Variants in LRRC7 observed in about 807,000 individuals in gnomAD.
The protein encoded by LRRC7 is leucine-rich repeat-containing protein 7.
Under a neutral mutation model 175.7 loss-of-function variants are expected in LRRC7, and 23 were observed. The ratio of observed to expected loss-of-function variants is 0.13; its 90% CI spans 0.09 to 0.19. LRRC7 has a LOEUF of 0.19. LRRC7 is among the 10% of genes least tolerant of loss of function. The probability of loss-of-function intolerance (pLI) is 1.00; values close to 1 mark genes in which losing one functional copy is unlikely to be tolerated. For synonymous variants in LRRC7, 685 were observed against 680.9 expected, an observed-to-expected ratio of 1.01 and a Z score of -0.09; for missense variants, 1,354 against 1,904.7, an observed-to-expected ratio of 0.71 and a Z score of 5.38.
rs1679844268 is a variant in LRRC7, at chr1:69,825,842, T to A, written c.500+16T>A. 6.7e-7 allele frequency: 1 copy of A among 1,483,956 alleles called. No individual in the cohort carries two copies. Among genetic ancestry groups the A allele is most frequent in the Non-Finnish European group, 9.3e-7 (1 of 1,077,484 alleles). 91.9% of individuals were successfully genotyped at this position (1,483,956 alleles called of 1,614,324 possible). On this transcript the variant is annotated intron_variant, in intron 5 of 26. Coordinates refer to ENST00000651989, the MANE Select transcript of LRRC7 (RefSeq NM_001370785.2). ...CCATTTCTAAGTGAGTATGAGTGAT[T>A]AAATTTTATTTGTATTTATATTTCC...
chr1:69,751,863 T>C (rs1669881557), intron 2 of LRRC7, among the ~76,000 whole-genome samples: 1 of 152,172 alleles, frequency 6.6e-6, no homozygotes, highest in South Asian at 2.1e-4. Context: ...ATGCTTTTCT[T>C]CTTGATTTCA....
chr1:70,072,970 T>A (rs1006399075), intron 23 of LRRC7, among the ~76,000 whole-genome samples: 2 of 152,174 alleles, frequency 1.3e-5, no homozygotes, highest in Non-Finnish European at 2.9e-5. Context: ...GGTGGCAGTA[T>A]AATATAGTCT....
intron 5 of LRRC7, among the ~76,000 whole-genome samples, chr1:69,828,321 A>G (rs555501708): frequency 6.6e-6 from 1 of 152,240 alleles, no homozygotes; most frequent in Non-Finnish European, 1.5e-5. Flanking sequence ...TATGGTATGT[A>G]TATGTTTAAC....
At chr1:69,857,609 G>C (rs1213609066) in intron 7 of LRRC7, among the ~76,000 whole-genome samples, 1 of 152,144 alleles carries the variant, frequency 6.6e-6, no homozygotes, top group Admixed American at 6.6e-5. Flanking sequence ...CGAAATAAAA[G>C]AGGACACAAA....
In LRRC7 at chr1:69,655,992, TAAG is replaced by T. The variant is rs36015106; in HGVS notation, c.3-22388_3-22386del. 7.3e-3 allele frequency among the ~76,000 whole-genome samples: 1,114 copies of T among 152,162 alleles called. 13 individuals are homozygous for T. The highest frequency in any genetic ancestry group is 0.026 in the African/African-American group (1,063 of 41,558). ...TTTCATATTTACATTGTTTTCCAGA[TAAG>T]GAGACATTTGAACTGCCTACATTCT... On this transcript the variant is annotated intron_variant, in intron 1 of 26. Coordinates refer to ENST00000651989, the MANE Select transcript of LRRC7 (RefSeq NM_001370785.2).
At chr1:69,861,882 C>T (rs1269390121) in intron 7 of LRRC7, among the ~76,000 whole-genome samples, 2 of 152,164 alleles carry the variant, frequency 1.3e-5, no homozygotes, top group Admixed American at 1.3e-4. Context: ...TCAGGCCCTA[C>T]CCACACTTCA....
chr1:69,804,221 G>T (rs1214954709), intron 4 of LRRC7, among the ~76,000 whole-genome samples: 2 of 151,166 alleles, frequency 1.3e-5, no homozygotes, highest in African/African-American at 2.4e-5. Context: ...CAAGTATATT[G>T]TTAATTTTTC....
chr1:69,701,075 A>AT (rs1663285732), intron 2 of LRRC7, among the ~76,000 whole-genome samples: 1 of 152,160 alleles, frequency 6.6e-6, no homozygotes, highest in Non-Finnish European at 1.5e-5. Context: ...GGTTCAAGAT[A>AT]TTTTTTAAAT....
intron 4 of LRRC7, among the ~76,000 whole-genome samples, chr1:69,807,083 T>C (rs970950697): frequency 3.3e-5 from 5 of 152,078 alleles, no homozygotes; most frequent in African/African-American, 1.2e-4. Context: ...TCTTTGTTGG[T>C]TTAAAGTATG....
chr1:70,003,588 T>A (rs1557977531), intron 11 of LRRC7, among the ~76,000 whole-genome samples: 2 of 152,148 alleles, frequency 1.3e-5, no homozygotes, highest in Admixed American at 6.5e-5. Flanking sequence ...AAAGAAATGA[T>A]CAAATGGAAT....
Position 70,058,575 on chromosome 1 carries a change from T to G in LRRC7, c.4230+5430T>G, listed in dbSNP as rs547655039. Among the ~76,000 whole-genome samples, 33 of 152,352 alleles carry G rather than the reference T, an allele frequency of 2.2e-4. No homozygotes were observed. In the South Asian group the frequency reaches 6.6e-3, roughly 31 times the overall value. On this transcript the variant is annotated intron_variant, in intron 23 of 26. Coordinates refer to ENST00000651989, the MANE Select transcript of LRRC7 (RefSeq NM_001370785.2). Reference sequence around the variant, plus strand: ...CCACAGTCACTATAGTCAGAATATTTGGTTTCATGTATTAAATCTTTACAT... The same window carrying G: ...CCACAGTCACTATAGTCAGAATATTGGGTTTCATGTATTAAATCTTTACAT...
intron 11 of LRRC7, among the ~76,000 whole-genome samples, chr1:70,000,074 T>TAGGG (rs1211029062): frequency 6.6e-6 from 1 of 152,140 alleles, no homozygotes; most frequent in Non-Finnish European, 1.5e-5. Context: ...CACAAATGTC[T>TAGGG]AGGGATCTTT....
intron 26 of LRRC7, among the ~76,000 whole-genome samples, chr1:70,114,184 A>T (rs1665702176): frequency 1.3e-5 from 2 of 152,212 alleles, no homozygotes; most frequent in African/African-American, 4.8e-5. Flanking sequence ...AGTAAGTTCC[A>T]CATTTCTATA....
intron 1 of LRRC7, among the ~76,000 whole-genome samples, chr1:69,591,340 GTGTC>G (rs1312686975): frequency 5.9e-5 from 9 of 152,062 alleles, no homozygotes; most frequent in African/African-American, 1.7e-4. Flanking sequence ...AGTATCTAAA[GTGTC>G]TGAGAATTTT....
At chr1:69,795,522 T>A (rs936299467) in intron 4 of LRRC7, among the ~76,000 whole-genome samples, 3 of 152,056 alleles carry the variant, frequency 2.0e-5, no homozygotes, top group Non-Finnish European at 4.4e-5. Context: ...GTTGACAAGG[T>A]TGGAATAGCC....
At chr1:69,604,593 A>C (rs1647238639) in intron 1 of LRRC7, among the ~76,000 whole-genome samples, 2 of 152,172 alleles carry the variant, frequency 1.3e-5, no homozygotes, top group Admixed American at 6.6e-5. Flanking sequence ...AGAGTAACAC[A>C]CATGATAGAT....
intron 7 of LRRC7, chr1:69,919,310 GT>G: frequency 1.8e-6 from 1 of 559,018 alleles, no homozygotes; most frequent in Non-Finnish European, 3.2e-6. Flanking sequence ...ATATGACCGT[GT>G]TCCAATAAAA....
At chr1:70,083,079 C>G (rs1663346634) in intron 24 of LRRC7, among the ~76,000 whole-genome samples, 2 of 151,960 alleles carry the variant, frequency 1.3e-5, no homozygotes, top group South Asian at 4.1e-4. Flanking sequence ...GCCATTGCAC[C>G]CAGCTGACCA....
intron 26 of LRRC7, among the ~76,000 whole-genome samples, chr1:70,111,708 C>T (rs10493472): frequency 0.13 from 19,525 of 152,038 alleles, 1,740 homozygotes; most frequent in African/African-American, 0.25. Context: ...GAAAAAAATA[C>T]ATACTGTACC....
Sources: allele counts gnomAD v4.1 joint callset (sites outside exome capture counted in the v4.1 genomes callset), GRCh38; gene constraint gnomAD v4.1.1; transcripts MANE v1.5; gene names NCBI Gene and HGNC (gene_info 2026-07-23, HGNC 2026-07-21).